NEGR1: variants seen among roughly 807,000 people sequenced by gnomAD.
NEGR1 encodes the protein neuronal growth regulator 1.
A neutral mutation model predicts 40.9 loss-of-function variants in NEGR1; 10 were observed. The observed-to-expected ratio is 0.24, with a 90% CI of 0.15 to 0.42. The LOEUF (loss-of-function observed/expected upper bound fraction) is 0.42, where lower values mean the gene tolerates loss of function less well. Ranked by LOEUF, NEGR1 falls within the 10% of genes least tolerant of loss-of-function variation. The pLI, the probability that NEGR1 is intolerant of heterozygous loss-of-function variation, is 1.00. For missense variants in NEGR1, 352 were observed against 438.9 expected (o/e 0.80, Z 1.77); for synonymous variants, 185 against 166.8 (o/e 1.11, Z -0.84).
At chr1:71,848,856 G>A (rs1259838621) in intron 2 of NEGR1, among the ~76,000 whole-genome samples, 1 of 152,170 alleles carries the variant, frequency 6.6e-6, no homozygotes, top group Non-Finnish European at 1.5e-5. Flanking sequence ...GGGAGGCCGA[G>A]GCGGGTGGAT....
intron 1 of NEGR1, among the ~76,000 whole-genome samples, chr1:72,116,473 C>A (rs760110674): frequency 6.6e-6 from 1 of 151,600 alleles, no homozygotes. Context: ...TAGTCATATG[C>A]GGACTTCATG....
intron 2 of NEGR1, among the ~76,000 whole-genome samples, chr1:71,800,771 A>G (rs1657526548): frequency 6.6e-6 from 1 of 152,052 alleles, no homozygotes; most frequent in African/African-American, 2.4e-5. Flanking sequence ...TAATCCTCCC[A>G]TTCTCTCCCA....
chr1:71,478,726 C>A (rs1461575908), intron 6 of NEGR1, among the ~76,000 whole-genome samples: 5 of 151,980 alleles, frequency 3.3e-5, no homozygotes, highest in African/African-American at 1.2e-4. Context: ...TCCCCTCTTG[C>A]TTTCCCCCAA....
intron 2 of NEGR1, among the ~76,000 whole-genome samples, chr1:71,922,946 T>C (rs1040209415): frequency 3.9e-5 from 6 of 152,140 alleles, no homozygotes; most frequent in African/African-American, 1.4e-4. Context: ...ACTTATGCCA[T>C]GCTAAACTAC....
chr1:71,623,507 GA>G (rs896168115), intron 4 of NEGR1, among the ~76,000 whole-genome samples: 2 of 151,892 alleles, frequency 1.3e-5, no homozygotes, highest in African/African-American at 2.4e-5. Context: ...AACAAGGGGG[GA>G]AAAACATCCT....
At chr1:71,775,097 A>G (rs1656455799) in intron 3 of NEGR1, among the ~76,000 whole-genome samples, 1 of 152,164 alleles carries the variant, frequency 6.6e-6, no homozygotes, top group Admixed American at 6.5e-5. Context: ...GACCCAGCAA[A>G]CTCATAATTT....
At chr1:72,040,523 G>C (rs1296786758) in intron 1 of NEGR1, among the ~76,000 whole-genome samples, 1 of 124,112 alleles carries the variant, frequency 8.1e-6, no homozygotes, top group Non-Finnish European at 1.6e-5. Context: ...TTACGAAGTT[G>C]TCAGCCTGCT....
chr1:71,988,890 T>C (rs1345207109), intron 1 of NEGR1, among the ~76,000 whole-genome samples: 1 of 130,838 alleles, frequency 7.6e-6, no homozygotes, highest in Admixed American at 8.8e-5. Flanking sequence ...CATGCCATGA[T>C]GTCAAGGCAA....
At chr1:71,829,185 T>C (rs1458277955) in intron 2 of NEGR1, among the ~76,000 whole-genome samples, 1 of 151,972 alleles carries the variant, frequency 6.6e-6, no homozygotes, top group Non-Finnish European at 1.5e-5. Context: ...CTGAAATTAA[T>C]TAGTATTAAA....
intron 1 of NEGR1, among the ~76,000 whole-genome samples, chr1:71,977,357 A>T (rs1168939199): frequency 6.6e-6 from 1 of 152,050 alleles, no homozygotes; most frequent in African/African-American, 2.4e-5. Context: ...AACAAAAACA[A>T]AATCAAAACA....
intron 1 of NEGR1, among the ~76,000 whole-genome samples, chr1:71,950,541 A>G (rs972433645): frequency 6.6e-6 from 1 of 151,966 alleles, no homozygotes; most frequent in Non-Finnish European, 1.5e-5. Context: ...CTTTCTCTAT[A>G]GTTCTCTACC....
At chr1:71,938,832 ATAAT>A (rs1319493148) in intron 1 of NEGR1, among the ~76,000 whole-genome samples, 1 of 152,146 alleles carries the variant, frequency 6.6e-6, no homozygotes, top group Non-Finnish European at 1.5e-5. Flanking sequence ...AATTGTCATT[ATAAT>A]TGGATTATTG....
chr1:71,881,324 G>T (rs1660578279), intron 2 of NEGR1, among the ~76,000 whole-genome samples: 1 of 152,014 alleles, frequency 6.6e-6, no homozygotes, highest in African/African-American at 2.4e-5. Flanking sequence ...CTTTTAATAA[G>T]AACAATATTG....
rs200694433 is a variant in NEGR1 at position 72,033,474 on chromosome 1, T to A, written c.177-98163A>T. Among the ~76,000 whole-genome samples, 4 of 152,314 alleles carry A rather than the reference T, an allele frequency of 2.6e-5. No homozygotes were observed. The East Asian group carries it at 7.7e-4, about 29-fold the overall frequency. ...ACAGGTTAGAATTTTATTCCAATAC[T>A]ATGTATTTCCATAAACGATGCTGTT... On this transcript the variant is annotated intron_variant, in intron 1 of 6. Coordinates refer to ENST00000357731, the MANE Select transcript of NEGR1 (RefSeq NM_173808.3).
In NEGR1 at chr1:72,272,310, A is replaced by G. The variant is rs529985191; in HGVS notation, c.176+10009T>C. Among the ~76,000 whole-genome samples the G allele has an allele frequency of 5.9e-5, 9 of 151,878 alleles. No individual in the cohort carries two copies. The East Asian group carries it at 1.7e-3, about 30-fold the overall frequency. The stretch of plus-strand genomic sequence containing the variant: ...CTCAACATTCAGGTTTTGAACGCTA[A>G]TAACCTACCAAGCACTAACTAAGTA... On this transcript the variant is annotated intron_variant, in intron 1 of 6. Coordinates refer to ENST00000357731, the MANE Select transcript of NEGR1 (RefSeq NM_173808.3).
intron 2 of NEGR1, among the ~76,000 whole-genome samples, chr1:71,860,354 T>C (rs1659909151): frequency 6.6e-6 from 1 of 152,016 alleles, no homozygotes; most frequent in Non-Finnish European, 1.5e-5. Context: ...TTTATTACTA[T>C]CTCTTTACAG....
At chr1:71,701,880 T>A (rs1653708509) in intron 3 of NEGR1, among the ~76,000 whole-genome samples, 1 of 152,110 alleles carries the variant, frequency 6.6e-6, no homozygotes, top group Non-Finnish European at 1.5e-5. Context: ...AAGACATTCA[T>A]TTTGAAGAAC....
At chr1:72,270,764 A>G (rs1303157551) in intron 1 of NEGR1, among the ~76,000 whole-genome samples, 2 of 151,798 alleles carry the variant, frequency 1.3e-5, no homozygotes, top group Non-Finnish European at 2.9e-5. Context: ...ACTTCAAGTA[A>G]GTGAATCAAA....
At chr1:71,741,150 A>T (rs2101676312) in intron 3 of NEGR1, among the ~76,000 whole-genome samples, 1 of 152,284 alleles carries the variant, frequency 6.6e-6, no homozygotes, top group Admixed American at 6.5e-5. Flanking sequence ...AGAAGAAGAC[A>T]CCCAGAGTCT....
Sources: gnomAD v4.1 joint callset for allele counts (sites outside exome capture counted in the v4.1 genomes callset) on GRCh38, gnomAD v4.1.1 for gene constraint, MANE v1.5 for transcripts, NCBI Gene and HGNC (gene_info 2026-07-23, HGNC 2026-07-21) for gene names.